The following MEGF11 variants were observed in gnomAD, a reference collection of about 807,000 sequenced individuals.
The protein encoded by MEGF11 is multiple EGF like domains 11.
In MEGF11, 126 loss-of-function variants were observed where a neutral mutation model predicts 146.6. The ratio of observed to expected loss-of-function variants is 0.86; its 90% CI spans 0.74 to 1.00. MEGF11 has a LOEUF of 1.00. Among genes scored for constraint, MEGF11 ranks in the 50% least tolerant of loss-of-function variants. MEGF11 has a pLI of 0.00. For missense variants in MEGF11, 1,509 were observed against 1,521.2 expected (o/e 0.99, Z 0.13); for synonymous variants, 532 against 583.4 (o/e 0.91, Z 1.27).
At position 65,897,862 on chromosome 15, in the gene MEGF11, A is replaced by G; in HGVS notation, c.*72T>C. 2.1e-6 allele frequency: 3 copies of G among 1,448,994 alleles called. No individual in the cohort carries two copies. The highest frequency in any genetic ancestry group is 2.0e-5 in the Admixed American group (1 of 50,510). 89.8% of individuals were successfully genotyped at this position (1,448,994 alleles called of 1,614,324 possible). A position where few individuals can be genotyped will look rare whatever the true frequency, so the allele number is the denominator to read the frequency against. ...GGAGCCAGTCTGTACCATTACTTCA[A>G]GTCAAGGGACTGTCTTCTTTCAGAG... is the stretch of plus-strand genomic sequence containing the variant. On this transcript the variant is annotated 3_prime_UTR_variant, in exon 26 of 26. Coordinates refer to ENST00000395614, the MANE Select transcript of MEGF11 (RefSeq NM_001385028.1).
intron 5 of MEGF11, among the ~76,000 whole-genome samples, chr15:65,999,022 C>T (rs575282005): frequency 1.8e-4 from 27 of 151,498 alleles, no homozygotes; most frequent in Non-Finnish European, 3.4e-4. Flanking sequence ...AAGGACAACG[C>T]TTGTCCTCCA....
rs755887598 is a variant in MEGF11, at chr15:65,896,338, A to G, written c.*1596T>C. ...GCCTTGAGTGATGTGGGAAGGGGAG[A>G]TGTACTCATTTATTTATTTTTTTGC... is the stretch of plus-strand genomic sequence containing the variant. On this transcript the variant is annotated 3_prime_UTR_variant, in exon 26 of 26. Transcript: ENST00000395614. 6.6e-6 allele frequency: 1 copy of G among 152,484 alleles called. No homozygotes were observed. The highest frequency in any genetic ancestry group is 1.5e-5 in the Non-Finnish European group (1 of 68,028). The allele number at this position is 152,484 out of a possible 1,614,324, so 9.4% of individuals were successfully genotyped here. A position where few individuals can be genotyped will look rare whatever the true frequency, so the allele number is the denominator to read the frequency against.
intron 1 of MEGF11, among the ~76,000 whole-genome samples, chr15:66,212,620 C>A (rs971561776): frequency 6.6e-6 from 1 of 152,236 alleles, no homozygotes; most frequent in Admixed American, 6.5e-5. Context: ...ACAGAGCCCC[C>A]CAGTAACACA....
rs537281882 is a variant in MEGF11, at chr15:66,147,426, G to A, written c.-8-19015C>T. On this transcript the variant is annotated intron_variant, in intron 1 of 25. Coordinates refer to ENST00000395614, the MANE Select transcript of MEGF11 (RefSeq NM_001385028.1). ...TAACACGTCAAGTCATATTCTAACG[G>A]GAAAGAGAATAACATTACCAGAAAA... 5.6e-4 allele frequency among the ~76,000 whole-genome samples: 86 copies of A among 152,282 alleles called. 1 individual carries two copies. In the South Asian group the frequency reaches 7.3e-3, roughly 13 times the overall value.
At chr15:66,022,874 G>T (rs1486391793) in intron 5 of MEGF11, among the ~76,000 whole-genome samples, 1 of 151,624 alleles carries the variant, frequency 6.6e-6, no homozygotes, top group East Asian at 1.9e-4. Flanking sequence ...AATTGGTTGG[G>T]GGTAGTGGCT....
At chr15:66,153,110 C>A (rs1325924036) in intron 1 of MEGF11, among the ~76,000 whole-genome samples, 1 of 152,198 alleles carries the variant, frequency 6.6e-6, no homozygotes. Context: ...TGCTTCCCAC[C>A]CAGTCTCTAA....
chr15:66,201,331 G>T (rs1336382450), intron 1 of MEGF11, among the ~76,000 whole-genome samples: 1 of 152,092 alleles, frequency 6.6e-6, no homozygotes, highest in Non-Finnish European at 1.5e-5. Context: ...AGAATGTGGG[G>T]CTGGAGAGGC....
intron 1 of MEGF11, among the ~76,000 whole-genome samples, chr15:66,180,500 C>T (rs1005835564): frequency 5.9e-5 from 9 of 152,226 alleles, no homozygotes; most frequent in Non-Finnish European, 1.0e-4. Context: ...GCCTCACAGG[C>T]GGAAGGACAC....
intron 4 of MEGF11, 58 bp from the exon 5 acceptor site, chr15:66,094,552 C>G: frequency 2.8e-6 from 4 of 1,428,024 alleles, no homozygotes; most frequent in Non-Finnish European, 3.9e-6. Context: ...AACCAACCAT[C>G]TGGTCAAGGA....
intron 10 of MEGF11, among the ~76,000 whole-genome samples, chr15:65,951,499 C>T (rs2080398318): frequency 6.6e-6 from 1 of 152,084 alleles, no homozygotes; most frequent in South Asian, 2.1e-4. Flanking sequence ...CCAGCCTGGC[C>T]AACATGGTGA....
intron 5 of MEGF11, among the ~76,000 whole-genome samples, chr15:66,067,671 C>G (rs933587460): frequency 6.6e-6 from 1 of 152,204 alleles, no homozygotes; most frequent in African/African-American, 2.4e-5. Flanking sequence ...CATCAAATAG[C>G]CTTTTATGGC....
chr15:66,078,180 T>C (rs931172257), intron 5 of MEGF11, among the ~76,000 whole-genome samples: 2 of 152,158 alleles, frequency 1.3e-5, no homozygotes, highest in Admixed American at 1.3e-4. Context: ...GCCCATTTCC[T>C]CCTCTGAGAG....
chr15:65,957,970 C>T (rs1006806379), intron 9 of MEGF11, among the ~76,000 whole-genome samples: 4 of 152,166 alleles, frequency 2.6e-5, no homozygotes, highest in South Asian at 2.1e-4. Flanking sequence ...AAGTCAAGAG[C>T]GGGATTAGAA....
chr15:66,103,580 G>A (rs74589474), intron 4 of MEGF11, among the ~76,000 whole-genome samples: 6,076 of 152,148 alleles, frequency 0.04, 391 homozygotes, highest in African/African-American at 0.13. Flanking sequence ...AGAGGAGGAT[G>A]GGAGAGGAGA....
At chr15:65,964,630 T>C (rs1289673065) in intron 9 of MEGF11, among the ~76,000 whole-genome samples, 1 of 152,164 alleles carries the variant, frequency 6.6e-6, no homozygotes, top group Non-Finnish European at 1.5e-5. Flanking sequence ...CTTGCTCCCA[T>C]GTGTGGAGTC....
chr15:66,042,330 G>A (rs1042278086), intron 5 of MEGF11, among the ~76,000 whole-genome samples: 6 of 151,984 alleles, frequency 3.9e-5, no homozygotes, highest in African/African-American at 9.7e-5. Context: ...GGCTAGTCTC[G>A]AACTCCTGGC....
intron 5 of MEGF11, among the ~76,000 whole-genome samples, chr15:66,050,387 G>A (rs904203033): frequency 1.3e-5 from 2 of 152,238 alleles, no homozygotes; most frequent in East Asian, 1.9e-4. Flanking sequence ...AAAAGCCTCA[G>A]CAAGGACACA....
intron 5 of MEGF11, among the ~76,000 whole-genome samples, chr15:66,013,683 A>G (rs1395469181): frequency 1.3e-5 from 2 of 152,218 alleles, no homozygotes; most frequent in African/African-American, 4.8e-5. Flanking sequence ...AAAGAAAAGA[A>G]GGACACCCAA....
Position 66,094,484 on chromosome 15 carries a change from C to T in MEGF11, c.312G>A (p.Thr104=), listed in dbSNP as rs1331707435. Residue 104 remains threonine, a synonymous_variant, in exon 5 of 26, where the codon ACG becomes ACA. Coordinates refer to ENST00000395614, the MANE Select transcript of MEGF11 (RefSeq NM_001385028.1). ...CGCAGCGGCCGTGCACACACTCCTCCGTACACAGGGCTGAGGGGACATGGG... is the reference window on the plus strand; with the variant it reads ...CGCAGCGGCCGTGCACACACTCCTCTGTACACAGGGCTGAGGGGACATGGG... ...ESGDFCIPLC[T]EECVHGRCVS... 5.6e-5 allele frequency: 88 copies of T among 1,560,662 alleles called. No homozygotes were observed. Among genetic ancestry groups the T allele is most frequent in the South Asian group, 1.1e-4 (9 of 84,560 alleles).
Sources: allele counts gnomAD v4.1 joint callset (sites outside exome capture counted in the v4.1 genomes callset), GRCh38; gene constraint gnomAD v4.1.1; transcripts MANE v1.5; gene names NCBI Gene and HGNC (gene_info 2026-07-23, HGNC 2026-07-21).